The following ADAMTS6 variants were observed in gnomAD, a reference collection of about 807,000 sequenced individuals.
The protein encoded by ADAMTS6 is A disintegrin and metalloproteinase with thrombospondin motifs 6.
A neutral mutation model predicts 144.3 loss-of-function variants in ADAMTS6; 23 were observed. The observed-to-expected ratio is 0.16, with a 90% confidence interval of 0.11 to 0.23. The LOEUF is 0.23. Ranked by LOEUF, ADAMTS6 falls within the 10% of genes least tolerant of loss-of-function variation. The pLI is 1.00. For missense variants in ADAMTS6, 999 were observed against 1,379.6 expected (o/e 0.72, Z 4.37); for synonymous variants, 444 against 457.5 (o/e 0.97, Z 0.38).
intron 7 of ADAMTS6, among the ~76,000 whole-genome samples, chr5:65,448,117 T>C (rs139340821): frequency 6.6e-6 from 1 of 150,644 alleles, no homozygotes; most frequent in Admixed American, 6.6e-5. Flanking sequence ...TATGTACATA[T>C]AAAATACACA....
At chr5:65,429,604 T>C (rs978939721) in intron 7 of ADAMTS6, among the ~76,000 whole-genome samples, 1 of 152,226 alleles carries the variant, frequency 6.6e-6, no homozygotes, top group South Asian at 2.1e-4. Flanking sequence ...CATGAACCCT[T>C]AGATGGGTGA....
rs569333265 is a variant in ADAMTS6 at position 65,361,687 on chromosome 5, C to T, written c.1074-27602G>A. Among the ~76,000 whole-genome samples, 5 of 151,944 alleles carry T rather than the reference C, an allele frequency of 3.3e-5. No homozygotes were observed. In the South Asian group the frequency reaches 1.0e-3, roughly 32 times the overall value. On this transcript the variant is annotated intron_variant, in intron 7 of 24. Coordinates refer to ENST00000381055, the MANE Select transcript of ADAMTS6 (RefSeq NM_197941.4). ...ATGCATCACCTTATTTAGTCTCTAC[C>T]TTTTTGGGTGAAAGTTATTTTTACT... is the stretch of plus-strand genomic sequence containing the variant.
intron 14 of ADAMTS6, among the ~76,000 whole-genome samples, chr5:65,257,761 C>G (rs142297827): frequency 7.9e-5 from 12 of 152,184 alleles, no homozygotes; most frequent in Non-Finnish European, 1.5e-4. Flanking sequence ...CTTCATGTCT[C>G]TAGCTTCCTG....
chr5:65,279,287 CT>C (rs1423117812), intron 11 of ADAMTS6, among the ~76,000 whole-genome samples: 1 of 151,560 alleles, frequency 6.6e-6, no homozygotes, highest in East Asian at 1.9e-4. Context: ...TCTCTATCTG[CT>C]TTGGGACAAT....
intron 11 of ADAMTS6, among the ~76,000 whole-genome samples, chr5:65,286,721 T>C (rs1332287653): frequency 1.3e-5 from 2 of 152,142 alleles, no homozygotes; most frequent in African/African-American, 4.8e-5. Flanking sequence ...AGTGACAGAA[T>C]AAAGAAATAA....
In ADAMTS6 at chr5:65,469,100, A is replaced by C. The variant is rs142803128; in HGVS notation, c.462+1678T>G. Among the ~76,000 whole-genome samples, 779 of 152,274 alleles carry C rather than the reference A, an allele frequency of 5.1e-3. 5 individuals carry two copies. Among genetic ancestry groups the C allele is most frequent in the African/African-American group, 0.018 (729 of 41,562 alleles). On this transcript the variant is annotated intron_variant, in intron 3 of 24. Transcript: ENST00000381055. ...TATCTCACAAGTTCAATTCTATTTC[A>C]ATTTTTTAAAATATTATTAACTACC... is the stretch of plus-strand genomic sequence containing the variant.
chr5:65,387,985 C>CCTAT (rs1270641334), intron 7 of ADAMTS6, among the ~76,000 whole-genome samples: 1 of 151,992 alleles, frequency 6.6e-6, no homozygotes, highest in Admixed American at 6.6e-5. Context: ...CCAAGGCGGG[C>CCTAT]CTATCACCTG....
Position 65,452,113 on chromosome 5 carries a change from ATAAAC to A in ADAMTS6, c.927+15_927+19del. On this transcript the variant is annotated intron_variant, in intron 6 of 24. Transcript: ENST00000381055. Reference sequence around the variant, plus strand: ...GCCTTCTGTTAACAATCTTAGATATATAAACTAACTCATTCTTACCTGATCTTCTG... The same window carrying A: ...GCCTTCTGTTAACAATCTTAGATATATAACTCATTCTTACCTGATCTTCTG... 2 of 1,585,884 alleles carry A rather than the reference ATAAAC, an allele frequency of 1.3e-6. No individual in the cohort carries two copies. The highest frequency in any genetic ancestry group is 1.7e-6 in the Non-Finnish European group (2 of 1,160,902).
intron 9 of ADAMTS6, among the ~76,000 whole-genome samples, chr5:65,305,796 A>ACACATATG (rs1743885223): frequency 2.0e-5 from 3 of 152,168 alleles, no homozygotes. Context: ...AGACAGACAC[A>ACACATATG]CACATATGCA....
chr5:65,404,910 T>C (rs1314371241), intron 7 of ADAMTS6, among the ~76,000 whole-genome samples: 1 of 152,244 alleles, frequency 6.6e-6, no homozygotes, highest in African/African-American at 2.4e-5. Flanking sequence ...GATGAGCATT[T>C]TTTCACGTGT....
At chr5:65,245,784 A>G (rs1335571126) in intron 14 of ADAMTS6, among the ~76,000 whole-genome samples, 1 of 152,076 alleles carries the variant, frequency 6.6e-6, no homozygotes, top group Non-Finnish European at 1.5e-5. Flanking sequence ...TCAACTGTGC[A>G]TTATAGTGTG....
intron 7 of ADAMTS6, among the ~76,000 whole-genome samples, chr5:65,450,104 C>T (rs1035692920): frequency 4.6e-5 from 7 of 152,080 alleles, no homozygotes; most frequent in African/African-American, 1.7e-4. Context: ...TTTCCACATT[C>T]GCACAATTCC....
At chr5:65,358,272 C>T (rs940276262) in intron 7 of ADAMTS6, among the ~76,000 whole-genome samples, 1 of 151,898 alleles carries the variant, frequency 6.6e-6, no homozygotes, top group African/African-American at 2.4e-5. Flanking sequence ...AACAATCTTT[C>T]TTGGTAAAAC....
At chr5:65,351,795 C>T (rs1748869945) in intron 7 of ADAMTS6, among the ~76,000 whole-genome samples, 1 of 151,090 alleles carries the variant, frequency 6.6e-6, no homozygotes, top group Admixed American at 6.6e-5. Flanking sequence ...GAGAATTCGT[C>T]TTCTTAAAAA....
chr5:65,322,370 C>T (rs1745699677), intron 9 of ADAMTS6, among the ~76,000 whole-genome samples: 2 of 152,068 alleles, frequency 1.3e-5, no homozygotes, highest in Non-Finnish European at 2.9e-5. Flanking sequence ...ATTTCGGTTC[C>T]ATATGAATTT....
chr5:65,198,995 A>G (rs1250105200), intron 20 of ADAMTS6, among the ~76,000 whole-genome samples: 3 of 152,156 alleles, frequency 2.0e-5, no homozygotes, highest in Non-Finnish European at 4.4e-5. Context: ...GTCCACCTAG[A>G]CAGATACCTC....
intron 7 of ADAMTS6, among the ~76,000 whole-genome samples, chr5:65,427,678 G>A (rs1056905682): frequency 1.3e-5 from 2 of 151,610 alleles, no homozygotes; most frequent in African/African-American, 4.8e-5. Flanking sequence ...GGTGCCTGTA[G>A]TCCCAGCTAC....
intron 7 of ADAMTS6, among the ~76,000 whole-genome samples, chr5:65,372,508 G>C (rs1751060049): frequency 6.6e-6 from 1 of 151,842 alleles, no homozygotes; most frequent in Non-Finnish European, 1.5e-5. Context: ...AAGAGACAAA[G>C]AAGGCCATTA....
intron 11 of ADAMTS6, among the ~76,000 whole-genome samples, chr5:65,280,181 C>T (rs1057484117): frequency 5.3e-5 from 8 of 152,112 alleles, no homozygotes; most frequent in African/African-American, 1.4e-4. Context: ...GCATTTGTTC[C>T]CAGCATCCCA....
Sources: gnomAD v4.1 joint callset for allele counts (sites outside exome capture counted in the v4.1 genomes callset) on GRCh38, gnomAD v4.1.1 for gene constraint, MANE v1.5 for transcripts, NCBI Gene and HGNC (gene_info 2026-07-23, HGNC 2026-07-21) for gene names.